The following RABGAP1L variants were observed in gnomAD, a reference collection of about 807,000 sequenced individuals.
The protein encoded by RABGAP1L is RAB GTPase activating protein 1 like.
Under a neutral mutation model 137.7 loss-of-function variants are expected in RABGAP1L, and 63 were observed. The observed-to-expected ratio is 0.46, with a 90% CI of 0.37 to 0.56. The LOEUF (loss-of-function observed/expected upper bound fraction) is 0.56, where lower values mean the gene tolerates loss of function less well. Ranked by LOEUF, RABGAP1L falls within the 20% of genes least tolerant of loss-of-function variation. RABGAP1L has a pLI of 0.00. For missense variants in RABGAP1L, 1,095 were observed against 1,244.0 expected, an observed-to-expected ratio of 0.88 and a Z score of 1.80; for synonymous variants, 431 against 433.7, an observed-to-expected ratio of 0.99 and a Z score of 0.08.
intron 13 of RABGAP1L, among the ~76,000 whole-genome samples, chr1:174,554,563 T>C (rs932936268): frequency 6.6e-6 from 1 of 152,220 alleles, no homozygotes; most frequent in African/African-American, 2.4e-5. Flanking sequence ...TGCCATAATA[T>C]GTTTTATAGG....
intron 10 of RABGAP1L, among the ~76,000 whole-genome samples, chr1:174,302,293 C>G (rs1384267505): frequency 6.6e-6 from 1 of 152,154 alleles, no homozygotes; most frequent in Non-Finnish European, 1.5e-5. Flanking sequence ...GTTACATCAA[C>G]AGCACAAAAT....
chr1:174,986,189 C>T (rs1156695533), intron 24 of RABGAP1L, among the ~76,000 whole-genome samples: 1 of 150,468 alleles, frequency 6.6e-6, no homozygotes, highest in African/African-American at 2.5e-5. Context: ...ACCTCATGTT[C>T]TACCCACCTC....
At chr1:174,416,532 A>G (rs1041016208) in intron 13 of RABGAP1L, among the ~76,000 whole-genome samples, 6 of 152,164 alleles carry the variant, frequency 3.9e-5, no homozygotes, top group Non-Finnish European at 7.4e-5. Flanking sequence ...ATTTTGGTCA[A>G]TCTGGAAGGC....
intron 14 of RABGAP1L, among the ~76,000 whole-genome samples, chr1:174,673,810 C>T (rs1677363925): frequency 6.6e-6 from 1 of 152,060 alleles, no homozygotes; most frequent in Admixed American, 6.6e-5. Context: ...ATGCTGAAGT[C>T]TGAAAGGCTG....
chr1:174,180,458 C>T (rs1224158040), intron 1 of RABGAP1L, among the ~76,000 whole-genome samples: 2 of 152,116 alleles, frequency 1.3e-5, no homozygotes, highest in East Asian at 3.8e-4. Flanking sequence ...AATTGATAAA[C>T]TTTGCTTAAG....
chr1:174,353,300 C>T (rs190168612), intron 11 of RABGAP1L, among the ~76,000 whole-genome samples: 18 of 152,210 alleles, frequency 1.2e-4, no homozygotes, highest in African/African-American at 3.4e-4. Flanking sequence ...CTTTACTCTC[C>T]CCTCTTATTT....
intron 19 of RABGAP1L, among the ~76,000 whole-genome samples, chr1:174,898,974 G>A (rs752287025): frequency 1.2e-4 from 19 of 152,220 alleles, no homozygotes; most frequent in Non-Finnish European, 2.6e-4. Flanking sequence ...TAAATCCTCT[G>A]GGAACATCCT....
chr1:174,587,845 A>G lies in RABGAP1L; in HGVS notation c.1711-49530A>G, dbSNP rs1470944198. Among the ~76,000 whole-genome samples the G allele has an allele frequency of 5.3e-5, 8 of 152,188 alleles. No homozygotes were observed. The East Asian group carries it at 1.5e-3, about 29-fold the overall frequency. On this transcript the variant is annotated intron_variant, in intron 13 of 25. Coordinates refer to ENST00000681986, the MANE Select transcript of RABGAP1L (RefSeq NM_001366446.1). ...TCTTTGTGTTATAAACATTCCAATT[A>G]TACTCTTTAGATTTATTTATTTATT...
intron 13 of RABGAP1L, among the ~76,000 whole-genome samples, chr1:174,586,365 C>T (rs1041928429): frequency 1.5e-4 from 21 of 136,220 alleles, no homozygotes; most frequent in Non-Finnish European, 3.3e-4. Flanking sequence ...ACAGGGAGGG[C>T]AACAATACAC....
chr1:174,350,061 G>A (rs1217541241), intron 11 of RABGAP1L, among the ~76,000 whole-genome samples: 61 of 122,620 alleles, frequency 5.0e-4, no homozygotes, highest in East Asian at 1.8e-3. Flanking sequence ...CTCACCTCCC[G>A]GACGGGGCGG....
At chr1:174,958,043 G>A in intron 20 of RABGAP1L, 2 of 1,531,574 alleles carry the variant, frequency 1.3e-6, no homozygotes, top group Non-Finnish European at 1.8e-6. Flanking sequence ...AGCTGTGCAT[G>A]TCATATCCAC....
rs181286424 is a variant in RABGAP1L at position 174,250,663 on chromosome 1, A to G, written c.875+31A>G. ...GCATTTGGAAAGATTAAAAATTCGC[A>G]TTGTATCTGGAGTATAATATAGGCG... On this transcript the variant is annotated intron_variant, in intron 6 of 25. Coordinates refer to ENST00000681986, the MANE Select transcript of RABGAP1L (RefSeq NM_001366446.1). 9 of 1,599,452 alleles carry G rather than the reference A, an allele frequency of 5.6e-6. No homozygotes were observed. The East Asian group carries it at 1.1e-4, about 20-fold the overall frequency.
chr1:174,855,636 T>C (rs780275589), intron 19 of RABGAP1L, among the ~76,000 whole-genome samples: 1 of 152,188 alleles, frequency 6.6e-6, no homozygotes, highest in Non-Finnish European at 1.5e-5. Flanking sequence ...GCATTCCACT[T>C]CTATGGGCCT....
chr1:174,231,367 T>C lies in RABGAP1L; in HGVS notation c.542+12T>C. 1.2e-6 allele frequency: 2 copies of C among 1,608,198 alleles called. No homozygotes were observed. The highest frequency in any genetic ancestry group is 1.1e-5 in the South Asian group (1 of 90,956). ...GAAGGTTCTGTGAGGTAAGCTCTAA[T>C]TTGTTTTTCTTTAGACACATATTAA... On this transcript the variant is annotated intron_variant, in intron 4 of 25. Transcript: ENST00000681986.
chr1:174,896,286 G>T (rs1044239443), intron 19 of RABGAP1L, among the ~76,000 whole-genome samples: 2 of 151,966 alleles, frequency 1.3e-5, no homozygotes, highest in African/African-American at 2.4e-5. Flanking sequence ...TTTTTGATGG[G>T]GTTGTTTTTT....
intron 23 of RABGAP1L, 150 bp downstream of exon 23, chr1:174,979,040 C>T: frequency 1.7e-6 from 2 of 1,166,678 alleles, no homozygotes; most frequent in Non-Finnish European, 2.2e-6. Context: ...TTTTAGTTAG[C>T]CAGGCACAGT....
intron 14 of RABGAP1L, among the ~76,000 whole-genome samples, chr1:174,646,584 ACCAGTACCATG>A (rs1674984187): frequency 6.6e-6 from 1 of 152,182 alleles, no homozygotes; most frequent in Non-Finnish European, 1.5e-5. Context: ...CTGTTTTGAT[ACCAGTACCATG>A]CTGTTTTCGT....
chr1:174,488,363 C>T (rs927263905), intron 13 of RABGAP1L, among the ~76,000 whole-genome samples: 10 of 151,792 alleles, frequency 6.6e-5, no homozygotes, highest in South Asian at 2.1e-4. Context: ...GCCACTGTCT[C>T]CTGGCCCATA....
At chr1:174,582,963 T>C (rs1184527471) in intron 13 of RABGAP1L, among the ~76,000 whole-genome samples, 3 of 152,228 alleles carry the variant, frequency 2.0e-5, no homozygotes, top group Non-Finnish European at 4.4e-5. Flanking sequence ...TTATACACTT[T>C]ATTAGGGATT....
Sources: gnomAD v4.1 joint callset for allele counts (sites outside exome capture counted in the v4.1 genomes callset) on GRCh38, gnomAD v4.1.1 for gene constraint, MANE v1.5 for transcripts, NCBI Gene and HGNC (gene_info 2026-07-23, HGNC 2026-07-21) for gene names.